Variants in NUDT6 observed in about 807,000 individuals in gnomAD.
NUDT6 encodes FAD diphosphatase NUDT6.
Under a neutral mutation model 36.8 loss-of-function variants are expected in NUDT6, and 24 were observed. The ratio of observed to expected loss-of-function variants is 0.65; its 90% CI spans 0.47 to 0.92. NUDT6 has a LOEUF of 0.92. Ranked by LOEUF, NUDT6 falls within the 40% of genes least tolerant of loss-of-function variation. The pLI is 0.00. For synonymous variants in NUDT6, 163 were observed against 157.0 expected (o/e 1.04, Z -0.29); for missense variants, 388 against 392.8 (o/e 0.99, Z 0.10).
At chr4:122,910,686 G>A (rs892891845) in intron 3 of NUDT6, among the ~76,000 whole-genome samples, 7 of 152,110 alleles carry the variant, frequency 4.6e-5, no homozygotes, top group African/African-American at 1.7e-4. Flanking sequence ...TATTGTATAA[G>A]TATTTATGCT....
Position 122,892,693 on chromosome 4 carries a change from T to C in NUDT6, c.*135A>G, listed in dbSNP as rs1469145733. 2.2e-6 allele frequency: 3 copies of C among 1,362,166 alleles called. No homozygotes were observed. Among genetic ancestry groups the C allele is most frequent in the Non-Finnish European group, 2.9e-6 (3 of 1,028,362 alleles). The allele number at this position is 1,362,166 out of a possible 1,614,324, so 84.4% of individuals were successfully genotyped here. A position where few individuals can be genotyped will look rare whatever the true frequency, so the allele number is the denominator to read the frequency against. ...CGAAAAGAGGCTTTTAAAATGTGCA[T>C]GTTTAGAAACAAAATTTCTTCATGG... On this transcript the variant is annotated 3_prime_UTR_variant, in exon 5 of 5. Transcript: ENST00000304430.
At chr4:122,921,619 C>A (rs67402776) in intron 1 of NUDT6, 10,977 of 47,790 alleles carry the variant, frequency 0.23, 1,894 homozygotes, top group East Asian at 0.36. Context: ...AAAAAAAAAA[C>A]AAACTGTACA....
chr4:122,917,559 C>T lies in NUDT6; in HGVS notation c.384G>A (p.Trp128Ter), dbSNP rs781349247. 1 of 1,614,178 alleles carries T rather than the reference C, an allele frequency of 6.2e-7. No individual in the cohort carries two copies. The highest frequency in any genetic ancestry group is 8.5e-7 in the Non-Finnish European group (1 of 1,180,032). ...GTAATCTGCTGGGCCCTTCTCTCAG[C>T]CACAGAGTCAACGTTGATGAATCCG... ...AESDSSTLTL[W>*]LREGPSRLPG... The change falls in exon 2 of 5, where the codon TGG becomes TGA. Residue 128 changes from tryptophan to a stop codon, truncating the protein, a stop_gained. Coordinates refer to ENST00000304430, the MANE Select transcript of NUDT6 (RefSeq NM_007083.5). LOFTEE classifies it high-confidence loss of function.
At chr4:122,907,273 G>C (rs1307939443) in intron 3 of NUDT6, among the ~76,000 whole-genome samples, 4 of 151,902 alleles carry the variant, frequency 2.6e-5, no homozygotes, top group African/African-American at 7.3e-5. Context: ...TGGGATTACA[G>C]GCATGCGCCA....
Position 122,893,224 on chromosome 4 carries a change from T to TC in NUDT6, c.554dup (p.Asp186ArgfsTer9). ...CAAAAACTTCTCGAACCGCTGTGTCTCCTACGTAAAAAAAGAGATGTACAA... is the reference window on the plus strand; with the variant it reads ...CAAAAACTTCTCGAACCGCTGTGTCTCCCTACGTAAAAAAAGAGATGTACAA... On this transcript the variant is annotated frameshift_variant and splice_region_variant, in exon 5 of 5. Coordinates refer to ENST00000304430, the MANE Select transcript of NUDT6 (RefSeq NM_007083.5). LOFTEE classifies it high-confidence loss of function. The TC allele has an allele frequency of 6.3e-7, 1 of 1,589,468 alleles. No individual in the cohort carries two copies. Among genetic ancestry groups the TC allele is most frequent in the Non-Finnish European group, 8.6e-7 (1 of 1,167,866 alleles).
At chr4:122,896,213 A>G (rs1727348669) in intron 4 of NUDT6, 1 of 152,448 alleles carries the variant, frequency 6.6e-6, no homozygotes, top group African/African-American at 2.4e-5. Flanking sequence ...AAAGGTAGTG[A>G]ATTTTTAATC....
chr4:122,916,582 A>T (rs369536270), intron 2 of NUDT6, among the ~76,000 whole-genome samples: 2 of 152,354 alleles, frequency 1.3e-5, no homozygotes, highest in East Asian at 3.9e-4. Context: ...AAGTTTAATT[A>T]TATGTGTAAA....
At chr4:122,897,514 C>A in intron 4 of NUDT6, 110 bp downstream of exon 4, 2 of 777,294 alleles carry the variant, frequency 2.6e-6, no homozygotes, top group Non-Finnish European at 4.5e-6. Flanking sequence ...CAGACTCAGT[C>A]GGAACAAATT....
Position 122,922,494 on chromosome 4 carries a change from G to T in NUDT6, c.79C>A (p.Arg27Ser). The T allele has an allele frequency of 1.2e-6, 2 of 1,610,888 alleles. No individual in the cohort carries two copies. The highest frequency in any genetic ancestry group is 1.7e-6 in the Non-Finnish European group (2 of 1,179,752). The change falls in exon 1 of 5, where the codon CGC (arginine) becomes AGC (serine). Residue 27 changes from arginine (R) to serine (S), a missense_variant. Arg to Ser is a moderately radical substitution (Grantham distance 110, BLOSUM62 -1). Transcript: ENST00000304430. ...TYGPGPSAGY[R>S]WASGAQGYVR... ...TAACCCTGTGCGCCCGAGGCCCAGC[G>T]GTAACCCGCCGAAGGCCCGGGGCCG...
chr4:122,900,150 T>C (rs1316807380), intron 3 of NUDT6, among the ~76,000 whole-genome samples: 3 of 144,120 alleles, frequency 2.1e-5, no homozygotes, highest in Non-Finnish European at 4.5e-5. Flanking sequence ...TACATCCCCA[T>C]GTTACCTAAA....
chr4:122,918,949 T>C (rs1311614790), intron 1 of NUDT6: 1 of 152,246 alleles, frequency 6.6e-6, no homozygotes, highest in Non-Finnish European at 1.5e-5. Flanking sequence ...TATCACTCCA[T>C]ACATTTCACA....
chr4:122,904,794 T>C (rs1465983067), intron 3 of NUDT6, among the ~76,000 whole-genome samples: 1 of 152,216 alleles, frequency 6.6e-6, no homozygotes, highest in Non-Finnish European at 1.5e-5. Context: ...TTTGGTTGAC[T>C]TTCCCAGTCT....
chr4:122,922,931 C>A, upstream of NUDT6: 1 of 615,126 alleles, frequency 1.6e-6, no homozygotes, highest in South Asian at 2.1e-5. Flanking sequence ...AACCTATCTT[C>A]TTTCACAGAT....
At chr4:122,918,817 T>G (rs888356023) in intron 1 of NUDT6, 2 of 152,192 alleles carry the variant, frequency 1.3e-5, no homozygotes. Context: ...CTTTGTCTGA[T>G]GACATCTTTT....
At chr4:122,922,293 AG>A in intron 1 of NUDT6, 41 bp downstream of exon 1, 1 of 1,535,140 alleles carries the variant, frequency 6.5e-7, no homozygotes, top group Non-Finnish European at 8.8e-7. Flanking sequence ...TCATTAGAAA[AG>A]CTCTGGAGCC....
At chr4:122,903,879 A>G (rs1332209468) in intron 3 of NUDT6, among the ~76,000 whole-genome samples, 1 of 152,218 alleles carries the variant, frequency 6.6e-6, no homozygotes, top group Non-Finnish European at 1.5e-5. Context: ...AAGAGACACC[A>G]GCAAGCTGAT....
At chr4:122,912,490 T>C in intron 3 of NUDT6, 78 bp downstream of exon 3, 2 of 1,022,798 alleles carry the variant, frequency 2.0e-6, no homozygotes, top group Non-Finnish European at 3.0e-6. Flanking sequence ...CTTAGGCATA[T>C]TAAAATTTCT....
chr4:122,907,069 CT>C (rs911434705), intron 3 of NUDT6, among the ~76,000 whole-genome samples: 10 of 152,196 alleles, frequency 6.6e-5, no homozygotes, highest in African/African-American at 2.4e-4. Flanking sequence ...AGAAATAACT[CT>C]AAGTATCCTT....
Position 122,893,014 on chromosome 4 carries a change from C to G in NUDT6, c.765G>C (p.Ala255=). Residue 255 remains alanine, a synonymous_variant, in exon 5 of 5, where the codon GCG becomes GCC. Transcript: ENST00000304430. ...TGATGGGAGTTGTATTTTCAGTCTT[C>G]GCCAGGTCATTGAGATCCATCCACT... The part of the protein sequence containing the change: ...RCEWMDLNDL[A]KTENTTPITS... The G allele has an allele frequency of 6.2e-7, 1 of 1,614,132 alleles. No individual in the cohort carries two copies. The highest frequency in any genetic ancestry group is 1.6e-4 in the Middle Eastern group (1 of 6,062).
Sources: allele counts gnomAD v4.1 joint callset (sites outside exome capture counted in the v4.1 genomes callset), GRCh38; gene constraint gnomAD v4.1.1; transcripts MANE v1.5; gene names NCBI Gene and HGNC (gene_info 2026-07-23, HGNC 2026-07-21).